RB1: variants seen among roughly 807,000 people sequenced by gnomAD.
RB1 encodes the protein RB transcriptional corepressor 1.
Under a neutral mutation model 135.4 loss-of-function variants are expected in RB1, and 18 were observed. The ratio of observed to expected loss-of-function variants is 0.13; its 90% confidence interval spans 0.09 to 0.20. The LOEUF (loss-of-function observed/expected upper bound fraction) is 0.20, where lower values mean the gene tolerates loss of function less well. Ranked by LOEUF, RB1 falls within the 10% of genes least tolerant of loss-of-function variation. The pLI, the probability that RB1 is intolerant of heterozygous loss-of-function variation, is 1.00. For missense variants in RB1, 868 were observed against 1,110.0 expected (o/e 0.78, Z 3.10); for synonymous variants, 365 against 373.2 (o/e 0.98, Z 0.25).
chr13:48,407,365 G>T (rs968614405), intron 17 of RB1, among the ~76,000 whole-genome samples: 5 of 152,170 alleles, frequency 3.3e-5, no homozygotes, highest in Admixed American at 2.0e-4. Context: ...AGGAAGACAG[G>T]AAGGTAGGAG....
At chr13:48,320,375 C>A (rs531794375) in intron 2 of RB1, 2 of 1,218,746 alleles carry the variant, frequency 1.6e-6, no homozygotes, top group Admixed American at 3.4e-5. Context: ...CCCTCGTCAG[C>A]CTCCGAGAAG....
chr13:48,380,903 G>C (rs1408718243), intron 16 of RB1, among the ~76,000 whole-genome samples: 1 of 152,152 alleles, frequency 6.6e-6, no homozygotes, highest in East Asian at 1.9e-4. Flanking sequence ...GAATCTTGAA[G>C]AATCTGTCTA....
intron 19 of RB1, among the ~76,000 whole-genome samples, chr13:48,457,237 A>G (rs970267827): frequency 6.6e-6 from 1 of 152,162 alleles, no homozygotes; most frequent in South Asian, 2.1e-4. Flanking sequence ...CTAGCAGAGA[A>G]GGTAGCTCCT....
At chr13:48,384,569 C>G (rs1292799741) in intron 17 of RB1, among the ~76,000 whole-genome samples, 2 of 152,074 alleles carry the variant, frequency 1.3e-5, no homozygotes, top group African/African-American at 4.8e-5. Flanking sequence ...CCAGAGCAAG[C>G]TTTCATAGTC....
At position 48,481,849 on chromosome 13, in the gene RB1, A is replaced by AGTT. The variant is rs1374905887; in HGVS notation, c.*1779_*1781dup. ...TATGTTACTATTTTCTACAATTAAT[A>AGTT]GTTTGTCTATTTTAAAATAAATTAG... is the stretch of plus-strand genomic sequence containing the variant. On this transcript the variant is annotated 3_prime_UTR_variant, in exon 27 of 27. Transcript: ENST00000267163. 13 of 219,660 alleles carry AGTT rather than the reference A, an allele frequency of 5.9e-5. No homozygotes were observed. The East Asian group carries it at 6.9e-4, about 12-fold the overall frequency. The allele number at this position is 219,660 out of a possible 1,614,324, so 13.6% of individuals were successfully genotyped here. A position where few individuals can be genotyped will look rare whatever the true frequency, so the allele number is the denominator to read the frequency against.
intron 2 of RB1, chr13:48,328,245 C>A (rs879075340): frequency 2.3e-5 from 34 of 1,494,416 alleles, no homozygotes; most frequent in Admixed American, 1.0e-4. Context: ...TTCTGGAGGC[C>A]TTTCCTCTGA....
In RB1 at chr13:48,307,307, T is replaced by G; in HGVS notation, c.165T>G (p.Pro55=). The G allele has an allele frequency of 6.2e-7, 1 of 1,609,396 alleles. No individual in the cohort carries two copies. The highest frequency in any genetic ancestry group is 8.5e-7 in the Non-Finnish European group (1 of 1,175,912). The part of the protein sequence containing the change: ...VRLEFEETEE[P]DFTALCQKLK... ...TTGAGTTTGAAGAAACAGAAGAACC[T>G]GATTTTACTGCATTATGTCAGAAAT... Residue 55 remains proline, a synonymous_variant, in exon 2 of 27, where the codon CCT becomes CCG. Coordinates refer to ENST00000267163, the MANE Select transcript of RB1 (RefSeq NM_000321.3).
intron 2 of RB1, chr13:48,317,901 A>G: frequency 2.5e-6 from 1 of 405,300 alleles, no homozygotes; most frequent in Non-Finnish European, 4.7e-6. Context: ...TCCCGAGAGC[A>G]GCAGGGCCCT....
intron 17 of RB1, among the ~76,000 whole-genome samples, chr13:48,435,182 T>C (rs1272961936): frequency 1.3e-5 from 2 of 152,246 alleles, no homozygotes; most frequent in Non-Finnish European, 2.9e-5. Flanking sequence ...CCGCCAGCAA[T>C]ATACGAGTGA....
intron 24 of RB1, among the ~76,000 whole-genome samples, chr13:48,474,558 A>T (rs1232561772): frequency 1.3e-5 from 2 of 152,288 alleles, no homozygotes; most frequent in East Asian, 3.9e-4. Flanking sequence ...TCCAAAATGT[A>T]AGCCCGATAT....
intron 17 of RB1, among the ~76,000 whole-genome samples, chr13:48,413,406 T>C (rs946778382): frequency 3.9e-5 from 6 of 152,346 alleles, no homozygotes; most frequent in East Asian, 1.9e-4. Flanking sequence ...CTATTCAGCC[T>C]GTTCTCTTAT....
chr13:48,335,774 A>G (rs987934756), intron 2 of RB1, among the ~76,000 whole-genome samples: 8 of 152,046 alleles, frequency 5.3e-5, no homozygotes, highest in African/African-American at 1.9e-4. Context: ...AAAACACATC[A>G]GTTACAGATT....
At chr13:48,474,240 C>T (rs1949490412) in intron 24 of RB1, among the ~76,000 whole-genome samples, 1 of 152,084 alleles carries the variant, frequency 6.6e-6, no homozygotes, top group South Asian at 2.1e-4. Context: ...AACCCCCTCC[C>T]CTCCCTGGAT....
intron 17 of RB1, among the ~76,000 whole-genome samples, chr13:48,446,301 G>A (rs984029594): frequency 2.0e-5 from 3 of 151,850 alleles, no homozygotes; most frequent in Non-Finnish European, 4.4e-5. Context: ...GTTAATCTCA[G>A]AAAACTTTGA....
intron 17 of RB1, among the ~76,000 whole-genome samples, chr13:48,441,893 T>C (rs1949240640): frequency 6.6e-6 from 1 of 152,198 alleles, no homozygotes; most frequent in Non-Finnish European, 1.5e-5. Flanking sequence ...ATAGGACCTA[T>C]TTATTCACTT....
intron 17 of RB1, among the ~76,000 whole-genome samples, chr13:48,451,982 G>A (rs1241135346): frequency 2.0e-5 from 3 of 151,772 alleles, no homozygotes; most frequent in South Asian, 2.1e-4. Flanking sequence ...TTCTGATTGC[G>A]TTTATTCCAT....
At chr13:48,420,604 T>C (rs114455139) in intron 17 of RB1, among the ~76,000 whole-genome samples, 5,688 of 152,266 alleles carry the variant, frequency 0.037, 343 homozygotes, top group African/African-American at 0.12. Flanking sequence ...ATTGTCTCTG[T>C]TTGCAGAGAC....
chr13:48,409,051 A>G (rs185803159), intron 17 of RB1, among the ~76,000 whole-genome samples: 4 of 152,206 alleles, frequency 2.6e-5, no homozygotes, highest in East Asian at 1.9e-4. Context: ...TTTCAGGTCA[A>G]TGGAAGAAAA....
rs567345306 is a variant in RB1 at position 48,445,814 on chromosome 13, G to A, written c.1696-7179G>A. 3.5e-4 allele frequency among the ~76,000 whole-genome samples: 54 copies of A among 152,120 alleles called. 1 individual carries two copies. Among genetic ancestry groups the A allele is most frequent in the Admixed American group, 3.5e-3 (54 of 15,268 alleles). On this transcript the variant is annotated intron_variant, in intron 17 of 26. Coordinates refer to ENST00000267163, the MANE Select transcript of RB1 (RefSeq NM_000321.3). ...TATTTCAAAGACCCAAGTCTGAAACGGTTTATCTGTTTATACTTAATGGCT... is the reference window on the plus strand; with the variant it reads ...TATTTCAAAGACCCAAGTCTGAAACAGTTTATCTGTTTATACTTAATGGCT...
Sources: allele counts gnomAD v4.1 joint callset (sites outside exome capture counted in the v4.1 genomes callset), GRCh38; gene constraint gnomAD v4.1.1; transcripts MANE v1.5; gene names NCBI Gene and HGNC (gene_info 2026-07-23, HGNC 2026-07-21).